NKAIN2: variants seen among roughly 807,000 people sequenced by gnomAD.
NKAIN2 encodes the protein sodium/potassium transporting ATPase interacting 2, also known as sodium/potassium-transporting ATPase subunit beta-1-interacting protein 2.
NKAIN2 carries 14 observed loss-of-function variants against 32.6 expected under a neutral mutation model. That is an observed-to-expected ratio of 0.43 (90% CI 0.28 to 0.67). NKAIN2 has a LOEUF of 0.67. Ranked by LOEUF, NKAIN2 falls within the 30% of genes least tolerant of loss-of-function variation. The pLI is 0.17. For synonymous variants in NKAIN2, 80 were observed against 87.2 expected, an observed-to-expected ratio of 0.92 and a Z score of 0.46; for missense variants, 198 against 258.3, an observed-to-expected ratio of 0.77 and a Z score of 1.60.
At chr6:124,276,581 AC>A (rs1795043984) in intron 1 of NKAIN2, among the ~76,000 whole-genome samples, 1 of 152,148 alleles carries the variant, frequency 6.6e-6, no homozygotes, top group African/African-American at 2.4e-5. Flanking sequence ...AAAAGCCAGC[AC>A]ATATGTTCTC....
intron 1 of NKAIN2, among the ~76,000 whole-genome samples, chr6:123,971,813 A>G (rs965306119): frequency 4.6e-5 from 7 of 152,174 alleles, no homozygotes; most frequent in African/African-American, 1.4e-4. Context: ...AAATATTAAT[A>G]CGGTTGAAAG....
intron 3 of NKAIN2, among the ~76,000 whole-genome samples, chr6:124,538,481 G>A (rs192071006): frequency 6.6e-6 from 1 of 152,052 alleles, no homozygotes; most frequent in Admixed American, 6.5e-5. Context: ...ATTTATTTAT[G>A]TTTGTTTGCT....
intron 2 of NKAIN2, among the ~76,000 whole-genome samples, chr6:124,333,511 T>C (rs1797747891): frequency 6.6e-6 from 1 of 151,820 alleles, no homozygotes; most frequent in Admixed American, 6.6e-5. Flanking sequence ...AATACAAAAA[T>C]TAGCTGGGCG....
At chr6:124,798,059 TC>T (rs1345830422) in intron 5 of NKAIN2, among the ~76,000 whole-genome samples, 15 of 142,180 alleles carry the variant, frequency 1.1e-4, no homozygotes, top group African/African-American at 3.4e-4. Context: ...TTCTTATCTA[TC>T]TATTATCTAT....
Position 123,941,912 on chromosome 6 carries a change from G to C in NKAIN2, c.54+137658G>C, listed in dbSNP as rs1415033694. ...CCCTTCCCTGCAGATTCTATCCTTG[G>C]ACTTCAGCTTCAGTTTGACTTGACT... is the stretch of plus-strand genomic sequence containing the variant. On this transcript the variant is annotated intron_variant, in intron 1 of 6. Transcript: ENST00000368417. Among the ~76,000 whole-genome samples the C allele has an allele frequency of 2.6e-5, 4 of 151,630 alleles. No homozygotes were observed. The East Asian group carries it at 7.7e-4, about 29-fold the overall frequency.
chr6:124,745,901 T>C (rs943292060), intron 4 of NKAIN2, among the ~76,000 whole-genome samples: 1 of 151,904 alleles, frequency 6.6e-6, no homozygotes, highest in Admixed American at 6.6e-5. Context: ...CATACATTTT[T>C]TTAAAAAGCC....
At chr6:124,780,171 T>TGGGTGGTGTAAGGGTTGGGA (rs1197927372) in intron 4 of NKAIN2, among the ~76,000 whole-genome samples, 16 of 152,166 alleles carry the variant, frequency 1.1e-4, no homozygotes, top group African/African-American at 3.6e-4. Context: ...TGTGGCCTGG[T>TGGGTGGTGTAAGGGTTGGGA]GGGTGGTGTA....
chr6:123,898,016 C>G (rs953886465), intron 1 of NKAIN2, among the ~76,000 whole-genome samples: 5 of 152,176 alleles, frequency 3.3e-5, no homozygotes, highest in African/African-American at 1.2e-4. Context: ...TCAGAGACTT[C>G]TTACTGCTCG....
chr6:124,046,745 A>G (rs1386842122), intron 1 of NKAIN2, among the ~76,000 whole-genome samples: 1 of 151,964 alleles, frequency 6.6e-6, no homozygotes, highest in African/African-American at 2.4e-5. Flanking sequence ...TGGGCTCTAC[A>G]TCTGATCTCT....
chr6:124,357,149 A>G (rs1367377991), intron 3 of NKAIN2, among the ~76,000 whole-genome samples: 2 of 152,120 alleles, frequency 1.3e-5, no homozygotes, highest in East Asian at 3.9e-4. Context: ...ACAGTTGATA[A>G]TATTTTATTT....
intron 1 of NKAIN2, among the ~76,000 whole-genome samples, chr6:123,805,850 A>T (rs539542080): frequency 7.4e-6 from 1 of 135,846 alleles, no homozygotes; most frequent in Admixed American, 7.2e-5. Flanking sequence ...TGTGTAGATC[A>T]TTCTTATGCT....
chr6:124,229,468 C>T (rs566647874), intron 1 of NKAIN2, among the ~76,000 whole-genome samples: 2 of 149,272 alleles, frequency 1.3e-5, no homozygotes, highest in Non-Finnish European at 3.0e-5. Context: ...TCACATATTT[C>T]CAAGTATTTT....
chr6:124,398,252 CAAAAAAAAAAAAAAA>C (rs869039720), intron 3 of NKAIN2, among the ~76,000 whole-genome samples: 2 of 69,090 alleles, frequency 2.9e-5, no homozygotes, highest in African/African-American at 7.7e-5. Flanking sequence ...GACTGCATCT[CAAAAAAAAAAAAAAA>C]AAAAAAAAAA....
intron 1 of NKAIN2, among the ~76,000 whole-genome samples, chr6:123,854,028 C>T (rs1334182082): frequency 6.6e-6 from 1 of 152,102 alleles, no homozygotes; most frequent in Admixed American, 6.6e-5. Flanking sequence ...CTGCCTTGGC[C>T]TCCCAAAGTG....
At chr6:124,492,923 G>A (rs937209822) in intron 3 of NKAIN2, among the ~76,000 whole-genome samples, 2 of 151,880 alleles carry the variant, frequency 1.3e-5, no homozygotes, top group South Asian at 2.1e-4. Flanking sequence ...TAGTCAAGAG[G>A]TATATTCTGG....
chr6:124,804,756 A>G (rs1053987662), intron 5 of NKAIN2, among the ~76,000 whole-genome samples: 2 of 152,222 alleles, frequency 1.3e-5, no homozygotes, highest in African/African-American at 4.8e-5. Context: ...AAGGGGTGAC[A>G]GACGGCACCT....
intron 1 of NKAIN2, among the ~76,000 whole-genome samples, chr6:124,041,854 C>A (rs1781888232): frequency 6.6e-6 from 1 of 151,996 alleles, no homozygotes; most frequent in Non-Finnish European, 1.5e-5. Flanking sequence ...TAATCAATAG[C>A]TACTCATTGA....
chr6:124,091,826 T>C (rs1308974960), intron 1 of NKAIN2, among the ~76,000 whole-genome samples: 2 of 152,020 alleles, frequency 1.3e-5, no homozygotes, highest in Non-Finnish European at 2.9e-5. Context: ...CTACCTGGTC[T>C]ATGAAATCTT....
At chr6:124,259,943 A>T (rs1003191409) in intron 1 of NKAIN2, among the ~76,000 whole-genome samples, 6 of 152,214 alleles carry the variant, frequency 3.9e-5, no homozygotes, top group Non-Finnish European at 5.9e-5. Flanking sequence ...AGTATACATT[A>T]AACCAAATAA....
Sources: gnomAD v4.1 joint callset for allele counts (sites outside exome capture counted in the v4.1 genomes callset) on GRCh38, gnomAD v4.1.1 for gene constraint, MANE v1.5 for transcripts, NCBI Gene and HGNC (gene_info 2026-07-23, HGNC 2026-07-21) for gene names.